Variants in EIF3H observed in about 807,000 individuals in gnomAD.
The protein encoded by EIF3H is eukaryotic translation initiation factor 3 subunit H.
EIF3H carries 26 observed loss-of-function variants against 44.2 expected under a neutral mutation model. That is an observed-to-expected ratio of 0.59 (90% CI 0.43 to 0.82). The LOEUF (loss-of-function observed/expected upper bound fraction) is 0.82. EIF3H is among the 40% of genes least tolerant of loss of function. EIF3H has a pLI of 0.00. For synonymous variants in EIF3H, 166 were observed against 151.9 expected, an observed-to-expected ratio of 1.09 and a Z score of -0.68; for missense variants, 359 against 432.8, an observed-to-expected ratio of 0.83 and a Z score of 1.51.
intron 2 of EIF3H, among the ~76,000 whole-genome samples, chr8:116,688,877 G>C (rs894615898): frequency 6.6e-6 from 1 of 152,162 alleles, no homozygotes; most frequent in Non-Finnish European, 1.5e-5. Context: ...TGGTGCAACT[G>C]CTTTGGAAAA....
At chr8:116,730,838 C>T (rs1402373471) in intron 1 of EIF3H, among the ~76,000 whole-genome samples, 7 of 152,200 alleles carry the variant, frequency 4.6e-5, no homozygotes, top group Non-Finnish European at 8.8e-5. Flanking sequence ...ATATGTCAAG[C>T]ACTCCACCGT....
At chr8:116,753,416 T>A (rs1279678743) in intron 1 of EIF3H, among the ~76,000 whole-genome samples, 2 of 152,208 alleles carry the variant, frequency 1.3e-5, no homozygotes, top group Non-Finnish European at 1.5e-5. Flanking sequence ...TTTATTCGAT[T>A]TCCAAGGTGC....
upstream of EIF3H, among the ~76,000 whole-genome samples, chr8:116,757,527 T>C (rs921336879): frequency 1.3e-5 from 2 of 152,182 alleles, no homozygotes; most frequent in Non-Finnish European, 1.5e-5. Flanking sequence ...ATTTTTGTTC[T>C]CTTTTATGGT....
At chr8:116,748,546 A>G (rs1017726805) in intron 1 of EIF3H, among the ~76,000 whole-genome samples, 10 of 152,208 alleles carry the variant, frequency 6.6e-5, no homozygotes, top group Non-Finnish European at 1.5e-4. Flanking sequence ...GATTTTCAAG[A>G]AAATTTCCAC....
At chr8:116,672,543 T>C (rs537239831) in intron 2 of EIF3H, among the ~76,000 whole-genome samples, 6 of 151,984 alleles carry the variant, frequency 3.9e-5, no homozygotes, top group African/African-American at 1.2e-4. Context: ...GGTGGAAGGA[T>C]CACCTGGGTC....
At chr8:116,647,618 G>A (rs560168942) in intron 6 of EIF3H, among the ~76,000 whole-genome samples, 11 of 152,160 alleles carry the variant, frequency 7.2e-5, no homozygotes, top group Admixed American at 1.3e-4. Context: ...AGTGAAGCAC[G>A]TAATATCCCA....
intron 2 of EIF3H, among the ~76,000 whole-genome samples, chr8:116,706,680 G>C (rs1032986227): frequency 6.6e-6 from 1 of 152,062 alleles, no homozygotes; most frequent in African/African-American, 2.4e-5. Flanking sequence ...GACTACAGGC[G>C]AATGCCACCA....
intron 2 of EIF3H, among the ~76,000 whole-genome samples, chr8:116,716,652 A>C (rs1187659978): frequency 6.6e-6 from 1 of 152,114 alleles, no homozygotes; most frequent in Non-Finnish European, 1.5e-5. Flanking sequence ...TAAGGGTCAG[A>C]CAGTAAATAT....
intron 7 of EIF3H, among the ~76,000 whole-genome samples, chr8:116,646,112 C>T (rs1212378378): frequency 6.6e-6 from 1 of 152,234 alleles, no homozygotes; most frequent in African/African-American, 2.4e-5. Flanking sequence ...CAAGTACCCA[C>T]TGTACAGTGC....
At chr8:116,653,122 C>T (rs1813424693) in intron 5 of EIF3H, among the ~76,000 whole-genome samples, 1 of 151,976 alleles carries the variant, frequency 6.6e-6, no homozygotes, top group Admixed American at 6.6e-5. Context: ...AGAAAATACA[C>T]CTAGACCTTA....
At chr8:116,673,960 C>T (rs1039630247) in intron 2 of EIF3H, among the ~76,000 whole-genome samples, 1 of 151,030 alleles carries the variant, frequency 6.6e-6, no homozygotes, top group African/African-American at 2.4e-5. Context: ...GTCCCAGCTA[C>T]CCGGGAGGCT....
intron 2 of EIF3H, among the ~76,000 whole-genome samples, chr8:116,695,067 CT>C (rs767166377): frequency 0.014 from 1,923 of 133,522 alleles, 24 homozygotes; most frequent in African/African-American, 0.041. Context: ...CTTCCTAATT[CT>C]TTTTTTTTTT....
chr8:116,711,138 AT>A (rs1156466905), intron 2 of EIF3H, among the ~76,000 whole-genome samples: 1 of 152,188 alleles, frequency 6.6e-6, no homozygotes, highest in Non-Finnish European at 1.5e-5. Context: ...TGAGGAGACA[AT>A]TTAGACAGAA....
chr8:116,647,133 T>A (rs925050918), intron 6 of EIF3H, among the ~76,000 whole-genome samples: 2 of 152,102 alleles, frequency 1.3e-5, no homozygotes, highest in Non-Finnish European at 2.9e-5. Flanking sequence ...TCACCCAGGC[T>A]GGAGTGCAGT....
chr8:116,759,266 AAGAG>A (rs761670280), upstream of EIF3H, among the ~76,000 whole-genome samples: 1 of 152,234 alleles, frequency 6.6e-6, no homozygotes. Context: ...TACAGGCAAA[AAGAG>A]AGAGGCTGAT....
intron 1 of EIF3H, among the ~76,000 whole-genome samples, chr8:116,726,981 G>C (rs906182248): frequency 3.9e-5 from 6 of 152,136 alleles, no homozygotes; most frequent in African/African-American, 1.4e-4. Flanking sequence ...TGAGCCCATG[G>C]CCTGAAGACC....
intron 1 of EIF3H, among the ~76,000 whole-genome samples, chr8:116,749,378 T>C (rs911488814): frequency 6.6e-6 from 1 of 152,182 alleles, no homozygotes; most frequent in Non-Finnish European, 1.5e-5. Flanking sequence ...ATTGTGTAGG[T>C]CAGGAGAGGG....
chr8:116,751,706 G>A (rs777907357), intron 1 of EIF3H, among the ~76,000 whole-genome samples: 1 of 152,184 alleles, frequency 6.6e-6, no homozygotes. Flanking sequence ...ATTTAAAGCC[G>A]TGAGCACAGA....
chr8:116,688,028 A>G lies in EIF3H; in HGVS notation c.290-29048T>C, dbSNP rs372460199. Among the ~76,000 whole-genome samples, 6 of 152,164 alleles carry G rather than the reference A, an allele frequency of 3.9e-5. No homozygotes were observed. The East Asian group carries it at 7.7e-4, about 20-fold the overall frequency. On this transcript the variant is annotated intron_variant, in intron 2 of 7. Coordinates refer to ENST00000521861, the MANE Select transcript of EIF3H (RefSeq NM_003756.3). ...GCAAAGAAACAATCTGAAGATAAAA[A>G]TCATATTGAACAGTCCAATTTAACT... is the stretch of plus-strand genomic sequence containing the variant.
Sources: gnomAD v4.1 joint callset for allele counts (sites outside exome capture counted in the v4.1 genomes callset) on GRCh38, gnomAD v4.1.1 for gene constraint, MANE v1.5 for transcripts, NCBI Gene and HGNC (gene_info 2026-07-23, HGNC 2026-07-21) for gene names.